RCC1L: variants seen among roughly 807,000 people sequenced by gnomAD.
RCC1L encodes the protein RCC1-like G exchanging factor-like protein.
A neutral mutation model predicts 58.6 loss-of-function variants in RCC1L; 46 were observed. The ratio of observed to expected loss-of-function variants is 0.79; its 90% CI spans 0.62 to 1.00. The LOEUF (loss-of-function observed/expected upper bound fraction) is 1.00, where lower values mean the gene tolerates loss of function less well. Among genes scored for constraint, RCC1L ranks in the 50% least tolerant of loss-of-function variants. The pLI, the probability that RCC1L is intolerant of heterozygous loss-of-function variation, is 0.00. For synonymous variants in RCC1L, 281 were observed against 262.9 expected (o/e 1.07, Z -0.67); for missense variants, 636 against 623.6 (o/e 1.02, Z -0.21).
chr7:75,030,572 G>A (rs1805275123), intron 10 of RCC1L, among the ~76,000 whole-genome samples: 1 of 152,196 alleles, frequency 6.6e-6, no homozygotes, highest in Non-Finnish European at 1.5e-5. Context: ...ATTGGAGGAT[G>A]CACTTCTAAG....
chr7:75,043,856 C>T (rs923009002), intron 10 of RCC1L, among the ~76,000 whole-genome samples: 1 of 152,146 alleles, frequency 6.6e-6, no homozygotes, highest in African/African-American at 2.4e-5. Flanking sequence ...CTTGCAGGTC[C>T]AGTCTGGGAA....
chr7:75,070,853 C>T (rs1806701572), intron 1 of RCC1L, 84 bp from the exon 2 acceptor site: 7 of 1,556,070 alleles, frequency 4.5e-6, no homozygotes, highest in Admixed American at 3.5e-5. Flanking sequence ...TTATCAAATC[C>T]AAGAACACAT....
chr7:75,028,152 C>A, intron 10 of RCC1L: 1 of 1,366,368 alleles, frequency 7.3e-7, no homozygotes, highest in South Asian at 1.5e-5. Context: ...GAGTCTTGCT[C>A]TGTCGCCCAG....
rs1340511838 is a variant in RCC1L, at chr7:75,052,783, C to G, written c.1245G>C (p.Leu415=). ...HFAALTNKGE[L]FVWGKNIRGC... The stretch of plus-strand genomic sequence containing the variant: ...CTCGGATGTTCTTGCCCCATACAAA[C>G]AGCTCTCCTTTGTCTGCAAAGGGAG... Residue 415 remains leucine, a synonymous_variant, in exon 10 of 11, where the codon CTG becomes CTC. Coordinates refer to ENST00000610322, the MANE Select transcript of RCC1L (RefSeq NM_030798.5). 6.2e-7 allele frequency: 1 copy of G among 1,613,054 alleles called. No individual in the cohort carries two copies. Among genetic ancestry groups the G allele is most frequent in the Non-Finnish European group, 8.5e-7 (1 of 1,179,698 alleles).
At chr7:75,033,646 G>C (rs1805366711) in intron 10 of RCC1L, among the ~76,000 whole-genome samples, 1 of 150,932 alleles carries the variant, frequency 6.6e-6, no homozygotes, top group Non-Finnish European at 1.5e-5. Flanking sequence ...AGTGAGCCGA[G>C]ACCACGCCAT....
rs1239908341 is a variant in RCC1L, at chr7:75,042,522, G to A, written c.*510C>T. 15 of 991,522 alleles carry A rather than the reference G, an allele frequency of 1.5e-5. No individual in the cohort carries two copies. Among genetic ancestry groups the A allele is most frequent in the Non-Finnish European group, 1.8e-5 (15 of 833,248 alleles). The allele number at this position is 991,522 out of a possible 1,614,324, so 61.4% of individuals were successfully genotyped here. On this transcript the variant is annotated 3_prime_UTR_variant, in exon 11 of 11. Coordinates refer to ENST00000610322, the MANE Select transcript of RCC1L (RefSeq NM_030798.5). ...CCCCAGCGAGCTTGCGGTGTGGCAG[G>A]CGGCCAGGAAGGGCCATGAGCAGGG...
At chr7:75,063,429 G>A (rs1239135283) in intron 4 of RCC1L, 86 bp from the exon 5 acceptor site, 3 of 1,377,652 alleles carry the variant, frequency 2.2e-6, no homozygotes, top group African/African-American at 1.4e-5. Context: ...CCCAACTGAT[G>A]GCCCGTCCCC....
At chr7:75,048,605 C>T (rs1054702715) in intron 10 of RCC1L, among the ~76,000 whole-genome samples, 3 of 152,244 alleles carry the variant, frequency 2.0e-5, no homozygotes, top group Non-Finnish European at 4.4e-5. Context: ...GCTGTCCATG[C>T]CCTGCCCTCC....
In RCC1L at chr7:75,030,476, G is replaced by T. The variant is rs929616504; in HGVS notation, c.1318-2397C>A. On this transcript the variant is annotated intron_variant, in intron 10 of 10. Coordinates refer to the RCC1L transcript ENST00000614461. ...CCCCACTTGTCAGAACTACTCTGGAGGGGGGCAAAGGTGTCAGGAACAGTT... is the reference window on the plus strand; with the variant it reads ...CCCCACTTGTCAGAACTACTCTGGATGGGGGCAAAGGTGTCAGGAACAGTT... Among the ~76,000 whole-genome samples, 111 of 152,314 alleles carry T rather than the reference G, an allele frequency of 7.3e-4. 1 individual carries two copies. Among genetic ancestry groups the T allele is most frequent in the Admixed American group, 2.0e-3 (31 of 15,286 alleles).
intron 10 of RCC1L, among the ~76,000 whole-genome samples, chr7:75,033,192 C>T (rs1338063243): frequency 2.0e-5 from 3 of 152,090 alleles, no homozygotes; most frequent in African/African-American, 7.2e-5. Flanking sequence ...CCCACTATAG[C>T]CCCTGCACCA....
intron 2 of RCC1L, 90 bp downstream of exon 2, chr7:75,070,550 A>G: frequency 6.6e-7 from 1 of 1,525,782 alleles, no homozygotes. Context: ...TAGCCTGGCA[A>G]CAGACTGAGA....
At chr7:75,044,090 G>A (rs1343199264) in intron 10 of RCC1L, among the ~76,000 whole-genome samples, 1 of 152,146 alleles carries the variant, frequency 6.6e-6, no homozygotes, top group Non-Finnish European at 1.5e-5. Flanking sequence ...ACTGAGACAT[G>A]GAGGCTCTAG....
chr7:75,042,473 C>T lies in RCC1L; in HGVS notation c.*559G>A. ...CTGCGGACAGCTCCAGATGGAATCC[C>T]AGGCCACGGTGCTTCTAGTGTCCCC... On this transcript the variant is annotated 3_prime_UTR_variant, in exon 11 of 11. Transcript: ENST00000610322. The T allele has an allele frequency of 1.0e-6, 1 of 989,230 alleles. No homozygotes were observed. Among genetic ancestry groups the T allele is most frequent in the South Asian group, 4.6e-5 (1 of 21,682 alleles). 61.3% of individuals were successfully genotyped at this position (989,230 alleles called of 1,614,324 possible).
chr7:75,040,497 T>C (rs1272407020), downstream of RCC1L, among the ~76,000 whole-genome samples: 2 of 152,132 alleles, frequency 1.3e-5, no homozygotes, highest in South Asian at 4.2e-4. Context: ...TAGATCTGTA[T>C]CTTGGTTGCC....
chr7:75,058,861 C>T lies in RCC1L; in HGVS notation c.788-92G>A, dbSNP rs1304763150. On this transcript the variant is annotated intron_variant, in intron 6 of 10. Coordinates refer to ENST00000610322, the MANE Select transcript of RCC1L (RefSeq NM_030798.5). ...TATATGCCAAGTGCAGTTTTAAGCA[C>T]TTAACAAGTATCAGCTCAGAAATCC... 3.3e-6 allele frequency: 5 copies of T among 1,495,710 alleles called. No homozygotes were observed. The Admixed American group carries it at 5.3e-5, about 16-fold the overall frequency. The allele number at this position is 1,495,710 out of a possible 1,614,324, so 92.7% of individuals were successfully genotyped here.
chr7:75,027,617 G>A (rs35973691), exon 11 of RCC1L: 21,506 of 202,588 alleles, frequency 0.11, 1,238 homozygotes, highest in African/African-American at 0.12. Flanking sequence ...TGTGTGTCGG[G>A]GCGCGCTGGG....
At chr7:75,070,556 T>G in intron 2 of RCC1L, 84 bp downstream of exon 2, 1 of 1,540,978 alleles carries the variant, frequency 6.5e-7, no homozygotes, top group Non-Finnish European at 8.8e-7. Flanking sequence ...GGCAACAGAC[T>G]GAGACTCTGT....
At chr7:75,053,747 G>C (rs1425180815) in intron 9 of RCC1L, among the ~76,000 whole-genome samples, 3 of 152,154 alleles carry the variant, frequency 2.0e-5, no homozygotes, top group Admixed American at 6.6e-5. Flanking sequence ...TGGGCAAAAG[G>C]CTTGGGTCAT....
intron 10 of RCC1L, among the ~76,000 whole-genome samples, chr7:75,031,011 C>A (rs1452763265): frequency 8.5e-5 from 13 of 152,232 alleles, no homozygotes; most frequent in African/African-American, 3.1e-4. Context: ...CCAAGACAGG[C>A]CAAGGCCAGT....
Sources: allele counts gnomAD v4.1 joint callset (sites outside exome capture counted in the v4.1 genomes callset), GRCh38; gene constraint gnomAD v4.1.1; transcripts MANE v1.5; gene names NCBI Gene and HGNC (gene_info 2026-07-23, HGNC 2026-07-21).